STK39: variants seen among roughly 807,000 people sequenced by gnomAD.
STK39 encodes the protein STE20/SPS1-related proline-alanine-rich protein kinase.
Under a neutral mutation model 77.8 loss-of-function variants are expected in STK39, and 20 were observed. The ratio of observed to expected loss-of-function variants is 0.26; its 90% CI spans 0.18 to 0.37. The LOEUF is 0.37. Among genes scored for constraint, STK39 ranks in the 10% least tolerant of loss-of-function variants. The pLI, the probability that STK39 is intolerant of heterozygous loss-of-function variation, is 1.00. For missense variants in STK39, 479 were observed against 656.5 expected (o/e 0.73, Z 2.95); for synonymous variants, 246 against 234.1 (o/e 1.05, Z -0.47).
chr2:168,234,043 G>A (rs1020892296), intron 1 of STK39, among the ~76,000 whole-genome samples: 2 of 152,208 alleles, frequency 1.3e-5, no homozygotes, highest in Admixed American at 6.5e-5. Context: ...TGACTAGCTT[G>A]CAAATAGGTA....
intron 1 of STK39, among the ~76,000 whole-genome samples, chr2:168,188,037 C>A (rs191974182): frequency 6.6e-6 from 1 of 152,320 alleles, no homozygotes. Flanking sequence ...GTATGCTCAG[C>A]TGTCCTTTGC....
In STK39 at chr2:167,977,015, A is replaced by G. The variant is rs1683292512; in HGVS notation, c.1499-12289T>C. On this transcript the variant is annotated intron_variant, in intron 16 of 17. Coordinates refer to ENST00000355999, the MANE Select transcript of STK39 (RefSeq NM_013233.3). ...ACTAAAATGTCAAACAGTCTTGAGT[A>G]TTAGTATTATTTACATATAGAAGGG... Among the ~76,000 whole-genome samples the G allele has an allele frequency of 2.0e-5, 3 of 152,308 alleles. No homozygotes were observed. The South Asian group carries it at 6.2e-4, about 32-fold the overall frequency.
intron 8 of STK39, among the ~76,000 whole-genome samples, chr2:168,132,986 T>C (rs1420086705): frequency 1.5e-4 from 23 of 152,124 alleles, no homozygotes; most frequent in Non-Finnish European, 3.4e-4. Context: ...ATCTGTTCAA[T>C]ACAGCGGGGA....
At chr2:168,171,976 T>A (rs1688841064) in intron 2 of STK39, among the ~76,000 whole-genome samples, 1 of 151,580 alleles carries the variant, frequency 6.6e-6, no homozygotes, top group Non-Finnish European at 1.5e-5. Context: ...CCGCACTCTA[T>A]GTCACAGCTG....
intron 14 of STK39, among the ~76,000 whole-genome samples, chr2:168,021,213 C>T: frequency 6.6e-6 from 1 of 152,136 alleles, no homozygotes; most frequent in East Asian, 1.9e-4. Context: ...TATCACTATG[C>T]ATATCCTGAT....
intron 5 of STK39, among the ~76,000 whole-genome samples, chr2:168,159,797 C>T (rs3754773): frequency 0.095 from 14,455 of 152,152 alleles, 1,316 homozygotes; most frequent in East Asian, 0.31. Flanking sequence ...AAGGAAGTCC[C>T]GGATGGCTGG....
chr2:168,087,699 G>GT (rs1686405627), intron 10 of STK39, among the ~76,000 whole-genome samples: 1 of 152,168 alleles, frequency 6.6e-6, no homozygotes, highest in African/African-American at 2.4e-5. Flanking sequence ...TACTGGTTCT[G>GT]TTTCTCCTGT....
chr2:168,095,963 T>C (rs1007546151), intron 10 of STK39, among the ~76,000 whole-genome samples: 4 of 152,198 alleles, frequency 2.6e-5, no homozygotes, highest in African/African-American at 9.6e-5. Flanking sequence ...ATAGGTGTTA[T>C]TTTCCCAAGA....
At chr2:168,004,652 G>A (rs1432659300) in intron 16 of STK39, among the ~76,000 whole-genome samples, 1 of 150,286 alleles carries the variant, frequency 6.7e-6, no homozygotes, top group Non-Finnish European at 1.5e-5. Context: ...AGAATGGTGT[G>A]AACCTGGGAG....
Position 167,969,036 on chromosome 2 carries a change from T to C in STK39, c.1499-4310A>G, listed in dbSNP as rs1406359577. Among the ~76,000 whole-genome samples, 5 of 152,332 alleles carry C rather than the reference T, an allele frequency of 3.3e-5. No individual in the cohort carries two copies. In the East Asian group the frequency reaches 7.7e-4, roughly 23 times the overall value. On this transcript the variant is annotated intron_variant, in intron 16 of 17. Coordinates refer to ENST00000355999, the MANE Select transcript of STK39 (RefSeq NM_013233.3). ...CCTGCTCACAGCTGTGTGACCTTCC[T>C]GAACGAAGTTCACTTAGCCTCCTCT...
chr2:168,210,243 C>G (rs906213320), intron 1 of STK39, among the ~76,000 whole-genome samples: 19 of 152,100 alleles, frequency 1.2e-4, no homozygotes, highest in African/African-American at 4.6e-4. Context: ...ACACTTTTCA[C>G]AAATATCACC....
At chr2:168,222,138 C>T (rs1690188959) in intron 1 of STK39, among the ~76,000 whole-genome samples, 2 of 152,128 alleles carry the variant, frequency 1.3e-5, no homozygotes, top group South Asian at 4.1e-4. Context: ...AGTCTGGTTT[C>T]AATGGTGGGG....
rs1690606987 is a variant in STK39, at chr2:168,236,332, TTGTAGATTCTGGATATTAGCCCTTTGTCA to T, written c.208+10867_208+10895del. On this transcript the variant is annotated intron_variant, in intron 1 of 17. Coordinates refer to ENST00000355999, the MANE Select transcript of STK39 (RefSeq NM_013233.3). Reference sequence around the variant, plus strand: ...TTTCTTGTAAATTTGTTGGAGTTCATTGTAGATTCTGGATATTAGCCCTTTGTCAGATGAGTAGATTGCAAAAATTTTCT... The same window carrying T: ...TTTCTTGTAAATTTGTTGGAGTTCATGATGAGTAGATTGCAAAAATTTTCT... 3.3e-5 allele frequency among the ~76,000 whole-genome samples: 5 copies of T among 152,340 alleles called. No homozygotes were observed. In the South Asian group the frequency reaches 1.0e-3, roughly 32 times the overall value.
chr2:168,050,274 AGC>A (rs1436935151), intron 14 of STK39, among the ~76,000 whole-genome samples: 1 of 152,220 alleles, frequency 6.6e-6, no homozygotes, highest in Non-Finnish European at 1.5e-5. Flanking sequence ...GGGACCAGGA[AGC>A]AAGCATAATA....
chr2:168,138,232 A>T lies in STK39; in HGVS notation c.841-11T>A. 6.2e-7 allele frequency: 1 copy of T among 1,608,372 alleles called. No individual in the cohort carries two copies. Among genetic ancestry groups the T allele is most frequent in the Non-Finnish European group, 8.5e-7 (1 of 1,177,154 alleles). Reference sequence around the variant, plus strand: ...AGTCAACATTAACACCTGCAGCAGAAACAAACATGAAGACAGAATCTCAGT... The same window carrying T: ...AGTCAACATTAACACCTGCAGCAGATACAAACATGAAGACAGAATCTCAGT... On this transcript the variant is annotated splice_polypyrimidine_tract_variant and intron_variant, in intron 7 of 17. Transcript: ENST00000355999.
chr2:168,084,873 G>T (rs1235417792), intron 10 of STK39, among the ~76,000 whole-genome samples: 1 of 152,218 alleles, frequency 6.6e-6, no homozygotes, highest in East Asian at 1.9e-4. Flanking sequence ...GTCTAAGGTG[G>T]TGCCTTGTAG....
At chr2:168,035,926 G>A (rs540214459) in intron 14 of STK39, among the ~76,000 whole-genome samples, 2 of 152,152 alleles carry the variant, frequency 1.3e-5, no homozygotes, top group South Asian at 4.2e-4. Context: ...AAGCACAAAG[G>A]AGACACTTAT....
chr2:168,204,899 T>C (rs1689702319), intron 1 of STK39, among the ~76,000 whole-genome samples: 1 of 152,264 alleles, frequency 6.6e-6, no homozygotes, highest in African/African-American at 2.4e-5. Flanking sequence ...CTGTCAGTTG[T>C]ATATCCTCAG....
intron 1 of STK39, among the ~76,000 whole-genome samples, chr2:168,222,107 G>C (rs952187486): frequency 8.5e-5 from 13 of 152,140 alleles, no homozygotes; most frequent in Admixed American, 2.0e-4. Context: ...CTAACAGTCT[G>C]CTGTTTTGGC....
Sources: allele counts gnomAD v4.1 joint callset (sites outside exome capture counted in the v4.1 genomes callset), GRCh38; gene constraint gnomAD v4.1.1; transcripts MANE v1.5; gene names NCBI Gene and HGNC (gene_info 2026-07-23, HGNC 2026-07-21).